TXNRD2: variants seen among roughly 807,000 people sequenced by gnomAD.
TXNRD2 encodes the protein thioredoxin reductase 2, also known as thioredoxin reductase 2, mitochondrial.
In TXNRD2, 67 loss-of-function variants were observed where a neutral mutation model predicts 70.8. The ratio of observed to expected loss-of-function variants is 0.95; its 90% CI spans 0.78 to 1.16. The LOEUF is 1.16. Among genes scored for constraint, TXNRD2 ranks in the 50% most tolerant of loss-of-function variants. The pLI is 0.00. For missense variants in TXNRD2, 644 were observed against 719.9 expected, an observed-to-expected ratio of 0.89 and a Z score of 1.21; for synonymous variants, 301 against 295.8, an observed-to-expected ratio of 1.02 and a Z score of -0.18.
chr22:19,919,510 C>G (rs757824807), intron 3 of TXNRD2, 33 bp downstream of exon 3: 31 of 1,552,182 alleles, frequency 2.0e-5, no homozygotes, highest in Non-Finnish European at 2.5e-5. Flanking sequence ...CCTCCTTCCC[C>G]AGGACACCCG....
chr22:19,876,989 C>T (rs899870031), intron 17 of TXNRD2, 51 bp downstream of exon 17: 1 of 1,330,604 alleles, frequency 7.5e-7, no homozygotes, highest in Non-Finnish European at 1.0e-6. Context: ...AGGGCTCCTG[C>T]ACCCCTGCCA....
chr22:19,922,172 C>T (rs1940942650), intron 2 of TXNRD2, among the ~76,000 whole-genome samples: 1 of 152,186 alleles, frequency 6.6e-6, no homozygotes, highest in Non-Finnish European at 1.5e-5. Flanking sequence ...AAAAAAAAAT[C>T]AGTCAATGGA....
chr22:19,930,877 G>C (rs1353688518), intron 2 of TXNRD2, among the ~76,000 whole-genome samples, 153 bp downstream of exon 2: 1 of 152,244 alleles, frequency 6.6e-6, no homozygotes. Flanking sequence ...CAGCTGGAGA[G>C]TGGCAGGGAA....
In TXNRD2 at chr22:19,941,758, G is replaced by A. The variant is rs777650793; in HGVS notation, c.46C>T (p.Arg16Trp). The change falls in exon 1 of 18, where the codon CGG becomes TGG. Residue 16 changes from arginine to tryptophan, a missense_variant. This residue lies in a region of TXNRD2 where 71 missense variants were observed against 53.6 expected (regional missense o/e 1.33). Coordinates refer to ENST00000400521, the MANE Select transcript of TXNRD2 (RefSeq NM_006440.5). Reference sequence around the variant, plus strand: ...CCCGCCACGGCCTGCGTCCGCCACCGGAAGCGCCCTCCTAATCCCCGCAGC... The same window carrying A: ...CCCGCCACGGCCTGCGTCCGCCACCAGAAGCGCCCTCCTAATCCCCGCAGC... ...VALRGLGGRF[R>W]WRTQAVAGGV... 18 of 1,510,026 alleles carry A rather than the reference G, an allele frequency of 1.2e-5. No homozygotes were observed. The East Asian group carries it at 3.0e-4, about 25-fold the overall frequency. The allele number at this position is 1,510,026 out of a possible 1,614,324, so 93.5% of individuals were successfully genotyped here. A position where few individuals can be genotyped will look rare whatever the true frequency, so the allele number is the denominator to read the frequency against.
chr22:19,886,422 T>A (rs1010130236), intron 11 of TXNRD2, among the ~76,000 whole-genome samples: 2 of 152,246 alleles, frequency 1.3e-5, no homozygotes, highest in African/African-American at 4.8e-5. Flanking sequence ...TAGGCCCTAC[T>A]GGCTCAGGCC....
chr22:19,877,952 T>C (rs1938582973), intron 16 of TXNRD2, 138 bp downstream of exon 16: 2 of 769,038 alleles, frequency 2.6e-6, no homozygotes, highest in Middle Eastern at 2.3e-4. Flanking sequence ...CTGAGGGGCC[T>C]GAGGAATCTC....
intron 17 of TXNRD2, chr22:19,876,549 G>A (rs73877383): frequency 0.02 from 3,071 of 152,612 alleles, 72 homozygotes; most frequent in South Asian, 0.075. Context: ...CAGATGTGCA[G>A]GGCAGGCTGG....
chr22:19,934,800 G>C (rs1274689627), intron 1 of TXNRD2, among the ~76,000 whole-genome samples: 1 of 152,054 alleles, frequency 6.6e-6, no homozygotes, highest in Non-Finnish European at 1.5e-5. Context: ...CTCACCTTGT[G>C]ATATGGCTGC....
chr22:19,889,302 G>A (rs930202315), intron 11 of TXNRD2, among the ~76,000 whole-genome samples: 3 of 152,216 alleles, frequency 2.0e-5, no homozygotes, highest in African/African-American at 7.2e-5. Flanking sequence ...TGTGGCGAGT[G>A]GTCATTATTG....
At chr22:19,918,761 C>A in intron 4 of TXNRD2, 99 bp downstream of exon 4, 3 of 1,464,914 alleles carry the variant, frequency 2.0e-6, no homozygotes, top group Non-Finnish European at 2.8e-6. Flanking sequence ...CATCCTACGG[C>A]CCACTCCCCA....
intron 4 of TXNRD2, among the ~76,000 whole-genome samples, chr22:19,918,441 G>T (rs932011684): frequency 6.6e-6 from 1 of 152,216 alleles, no homozygotes; most frequent in Non-Finnish European, 1.5e-5. Context: ...CTGACCCACG[G>T]CTCTCCAGAT....
chr22:19,883,689 C>G, intron 11 of TXNRD2: 2 of 568,340 alleles, frequency 3.5e-6, no homozygotes, highest in South Asian at 3.8e-5. Flanking sequence ...CGTGATGGCT[C>G]ATGCCTATAA....
chr22:19,877,145 C>A lies in TXNRD2; in HGVS notation c.1535G>T (p.Arg512Leu), dbSNP rs375708279. The part of the protein sequence containing the change: ...EEVVKLRISK[R>L]SGLDPTVTGC... ...TGTCACCGTGGGGTCCAGGCCTGAG[C>A]GCTTGGAGATGCGCAGCTTGACTAC... Residue 512 changes from arginine to leucine, a missense_variant, in exon 17 of 18, where the codon CGC (arginine) becomes CTC (leucine). Physicochemically the swap from Arg to Leu is moderately radical, Grantham distance 102. This residue lies in a region of TXNRD2 where 7 missense variants were observed against 21.3 expected (regional missense o/e 0.33). Transcript: ENST00000400521. The A allele has an allele frequency of 6.2e-7, 1 of 1,609,022 alleles. No homozygotes were observed. The highest frequency in any genetic ancestry group is 2.2e-5 in the East Asian group (1 of 44,702).
At chr22:19,922,460 T>A (rs1248275228) in intron 2 of TXNRD2, among the ~76,000 whole-genome samples, 1 of 152,110 alleles carries the variant, frequency 6.6e-6, no homozygotes, top group Non-Finnish European at 1.5e-5. Flanking sequence ...ATTCAAATGG[T>A]TTGTTGAAGA....
intron 11 of TXNRD2, chr22:19,883,761 C>A: frequency 2.5e-6 from 1 of 398,932 alleles, no homozygotes; most frequent in Admixed American, 3.7e-5. Context: ...CAAAACCAGC[C>A]TGGCCAACAT....
At chr22:19,926,315 C>T (rs1228067123) in intron 2 of TXNRD2, among the ~76,000 whole-genome samples, 1 of 151,814 alleles carries the variant, frequency 6.6e-6, no homozygotes, top group East Asian at 1.9e-4. Flanking sequence ...CATGGTGAAA[C>T]CCCATCTCTA....
rs1411429033 is a variant in TXNRD2 at position 19,915,117 on chromosome 22, G to A, written c.591+97C>T. The A allele has an allele frequency of 6.3e-6, 7 of 1,119,038 alleles. No homozygotes were observed. In the African/African-American group the frequency reaches 9.3e-5, roughly 15 times the overall value. 69.3% of individuals were successfully genotyped at this position (1,119,038 alleles called of 1,614,324 possible). On this transcript the variant is annotated intron_variant, in intron 7 of 17. Coordinates refer to ENST00000400521, the MANE Select transcript of TXNRD2 (RefSeq NM_006440.5). ...GAGTATAGGGGGAAAGGGTGTGCAA[G>A]CTGCTGCTGTGGGAAGCACGTGTGT...
In TXNRD2 at chr22:19,904,132, G is replaced by T. The variant is rs115839620; in HGVS notation, c.663-5064C>A. Reference sequence around the variant, plus strand: ...GGAGGACAGTCCCTTGCGCCAGGGCGTGGCTATGGGAGTGGGGCAGCCAGA... The same window carrying T: ...GGAGGACAGTCCCTTGCGCCAGGGCTTGGCTATGGGAGTGGGGCAGCCAGA... On this transcript the variant is annotated intron_variant, in intron 8 of 17. Transcript: ENST00000400521. 5.3e-3 allele frequency among the ~76,000 whole-genome samples: 809 copies of T among 152,236 alleles called. 7 individuals are homozygous for T. The highest frequency in any genetic ancestry group is 0.019 in the African/African-American group (781 of 41,544).
intron 16 of TXNRD2, 38 bp from the exon 17 acceptor site, chr22:19,877,272 AC>A: frequency 6.3e-7 from 1 of 1,583,990 alleles, no homozygotes; most frequent in Non-Finnish European, 8.6e-7. Flanking sequence ...CGGGGTCAGC[AC>A]AGGGAGGGGG....
Sources: allele counts gnomAD v4.1 joint callset (sites outside exome capture counted in the v4.1 genomes callset), GRCh38; gene constraint gnomAD v4.1.1; regional missense constraint gnomAD v4.1.1; transcripts MANE v1.5; gene names NCBI Gene and HGNC (gene_info 2026-07-23, HGNC 2026-07-21).